UBE2QL1: variants seen among roughly 807,000 people sequenced by gnomAD.
The protein encoded by UBE2QL1 is ubiquitin-conjugating enzyme E2Q-like protein 1.
Under a neutral mutation model 12.6 loss-of-function variants are expected in UBE2QL1, and 5 were observed. The observed-to-expected ratio is 0.40, with a 90% CI of 0.21 to 0.83. The LOEUF is 0.83. Among genes scored for constraint, UBE2QL1 ranks in the 40% least tolerant of loss-of-function variants. The pLI is 0.37. For synonymous variants in UBE2QL1, 96 were observed against 94.5 expected, an observed-to-expected ratio of 1.02 and a Z score of -0.10; for missense variants, 99 against 222.6, an observed-to-expected ratio of 0.44 and a Z score of 3.53.
Position 6,496,026 on chromosome 5 carries a change from A to G in UBE2QL1, c.*4677A>G, listed in dbSNP as rs1301090060. On this transcript the variant is annotated 3_prime_UTR_variant, in exon 2 of 2. Transcript: ENST00000399816. ...GAGCAAAGTGTGCTGGCCAAACAGC[A>G]ACAATCAAAGCAGAGGGGAGCAAGA... Among the ~76,000 whole-genome samples the G allele has an allele frequency of 6.6e-6, 1 of 152,204 alleles. No homozygotes were observed. Among genetic ancestry groups the G allele is most frequent in the East Asian group, 1.9e-4 (1 of 5,198 alleles).
rs74670884 is a variant in UBE2QL1, at chr5:6,469,052, G to A, written c.354+19805G>A. Among the ~76,000 whole-genome samples, 898 of 152,288 alleles carry A rather than the reference G, an allele frequency of 5.9e-3. 5 individuals are homozygous for A. Among genetic ancestry groups the A allele is most frequent in the African/African-American group, 0.02 (832 of 41,550 alleles). ...GCCCGCCGCCTCTGCATCTCTTCAC[G>A]TTCTTCTTGTTTGGTCAGCCTCCTG... On this transcript the variant is annotated intron_variant, in intron 1 of 1. Coordinates refer to ENST00000399816, the MANE Select transcript of UBE2QL1 (RefSeq NM_001145161.3).
intron 1 of UBE2QL1, among the ~76,000 whole-genome samples, chr5:6,472,807 G>A (rs150938405): frequency 1.2e-3 from 188 of 152,096 alleles, no homozygotes; most frequent in South Asian, 7.9e-3. Context: ...CATTATGATC[G>A]AGGCTGTTTG....
Position 6,478,652 on chromosome 5 carries a change from G to T in UBE2QL1, c.355-12566G>T, listed in dbSNP as rs1281717600. Among the ~76,000 whole-genome samples the T allele has an allele frequency of 6.7e-6, 1 of 149,798 alleles. No individual in the cohort carries two copies. The highest frequency in any genetic ancestry group is 1.5e-5 in the Non-Finnish European group (1 of 67,690). On this transcript the variant is annotated intron_variant, in intron 1 of 1. Transcript: ENST00000399816. This position sits in a 1 kb window ranked among gnomAD's most constrained non-coding sequence, Gnocchi z 4.5. ...TTTTTTTTTGGACTTTAACAGCATC[G>T]CCGTACCTACTATCTGTGCTGAGAG...
In UBE2QL1 at chr5:6,492,154, C is replaced by T. The variant is rs1214368137; in HGVS notation, c.*805C>T. ...ATGGTCAGCTGCGAACAGTCTCGTCCGATGTTAGGAAATGGTCCTACGGCC... is the reference window on the plus strand; with the variant it reads ...ATGGTCAGCTGCGAACAGTCTCGTCTGATGTTAGGAAATGGTCCTACGGCC... On this transcript the variant is annotated 3_prime_UTR_variant, in exon 2 of 2. Transcript: ENST00000399816. The T allele has an allele frequency of 2.0e-5, 3 of 152,226 alleles. No individual in the cohort carries two copies. Among genetic ancestry groups the T allele is most frequent in the African/African-American group, 4.8e-5 (2 of 41,460 alleles). The allele number at this position is 152,226 out of a possible 1,614,324, so 9.4% of individuals were successfully genotyped here.
chr5:6,483,476 T>G (rs1056595178), intron 1 of UBE2QL1, among the ~76,000 whole-genome samples: 1 of 151,104 alleles, frequency 6.6e-6, no homozygotes, highest in African/African-American at 2.4e-5. Context: ...CCCACAGATG[T>G]GATGCACGGC....
rs1287201647 is a variant in UBE2QL1, at chr5:6,481,600, A to C, written c.355-9618A>C. Among the ~76,000 whole-genome samples, 2 of 152,176 alleles carry C rather than the reference A, an allele frequency of 1.3e-5. No individual in the cohort carries two copies. Among genetic ancestry groups the C allele is most frequent in the African/African-American group, 4.8e-5 (2 of 41,440 alleles). The stretch of plus-strand genomic sequence containing the variant: ...CCTCAAAGCCAGCCAACCCAAACAG[A>C]ACTCAGTATCTTATCCTAGAAACCT... On this transcript the variant is annotated intron_variant, in intron 1 of 1. Transcript: ENST00000399816. This position sits in a 1 kb window ranked among gnomAD's most constrained non-coding sequence, Gnocchi z 4.5.
chr5:6,458,743 A>G (rs1318632512), intron 1 of UBE2QL1, among the ~76,000 whole-genome samples: 2 of 152,246 alleles, frequency 1.3e-5, no homozygotes, highest in African/African-American at 4.8e-5. Context: ...GGAAAAATAA[A>G]AATACCATAG....
rs1169767958 is a variant in UBE2QL1, at chr5:6,479,057, C to T, written c.355-12161C>T. The stretch of plus-strand genomic sequence containing the variant: ...GTGCAGCATCAGGAGTCTGTTGGAT[C>T]CCCAGTGCCTCATCCTGAAATCAGG... On this transcript the variant is annotated intron_variant, in intron 1 of 1. Transcript: ENST00000399816. The surrounding 1 kb of genome is among the most constrained non-coding windows in gnomAD (Gnocchi z 4.2). Among the ~76,000 whole-genome samples, 2 of 152,020 alleles carry T rather than the reference C, an allele frequency of 1.3e-5. No homozygotes were observed. The highest frequency in any genetic ancestry group is 4.8e-5 in the African/African-American group (2 of 41,396).
rs1192500840 is a variant in UBE2QL1 at position 6,479,319 on chromosome 5, A to G, written c.355-11899A>G. Among the ~76,000 whole-genome samples the G allele has an allele frequency of 6.6e-6, 1 of 152,238 alleles. No individual in the cohort carries two copies. Among genetic ancestry groups the G allele is most frequent in the East Asian group, 1.9e-4 (1 of 5,164 alleles). ...TGAGGAAGACCAACTGTGCAGGGAA[A>G]AGAGCTGGCCGGATTGTGATCTAAG... On this transcript the variant is annotated intron_variant, in intron 1 of 1. Coordinates refer to ENST00000399816, the MANE Select transcript of UBE2QL1 (RefSeq NM_001145161.3). The surrounding 1 kb of genome is among the most constrained non-coding windows in gnomAD (Gnocchi z 4.2).
rs1734319642 is a variant in UBE2QL1, at chr5:6,479,690, C to T, written c.355-11528C>T. ...TCTCCTTTGTGCTGAGTAAGTGTTT[C>T]GGCCTTGAGAGTGGAGTGCAGCATC... is the stretch of plus-strand genomic sequence containing the variant. On this transcript the variant is annotated intron_variant, in intron 1 of 1. Transcript: ENST00000399816. The surrounding 1 kb of genome is among the most constrained non-coding windows in gnomAD (Gnocchi z 4.2). 6.6e-6 allele frequency among the ~76,000 whole-genome samples: 1 copy of T among 152,138 alleles called. No homozygotes were observed. Among genetic ancestry groups the T allele is most frequent in the African/African-American group, 2.4e-5 (1 of 41,438 alleles).
In UBE2QL1 at chr5:6,496,688, T is replaced by C. The variant is rs1235559444; in HGVS notation, c.*5339T>C. Among the ~76,000 whole-genome samples, 1 of 151,750 alleles carries C rather than the reference T, an allele frequency of 6.6e-6. No homozygotes were observed. Among genetic ancestry groups the C allele is most frequent in the Non-Finnish European group, 1.5e-5 (1 of 67,948 alleles). ...AAAAAAAAACAATGATTCTAGAAAATAAAACTTTAAAACCAATAAACGTCT... is the reference window on the plus strand; with the variant it reads ...AAAAAAAAACAATGATTCTAGAAAACAAAACTTTAAAACCAATAAACGTCT... On this transcript the variant is annotated 3_prime_UTR_variant, in exon 2 of 2. Coordinates refer to ENST00000399816, the MANE Select transcript of UBE2QL1 (RefSeq NM_001145161.3).
At chr5:6,460,347 A>G (rs927855413) in intron 1 of UBE2QL1, among the ~76,000 whole-genome samples, 8 of 152,360 alleles carry the variant, frequency 5.3e-5, no homozygotes, top group Non-Finnish European at 1.0e-4. Flanking sequence ...AAGGAGATTT[A>G]TTGAATTAAA....
At chr5:6,467,297 C>A (rs1739818017) in intron 1 of UBE2QL1, among the ~76,000 whole-genome samples, 1 of 152,040 alleles carries the variant, frequency 6.6e-6, no homozygotes, top group Non-Finnish European at 1.5e-5. Flanking sequence ...TCCCCACAGG[C>A]TGGGGGCTTC....
intron 1 of UBE2QL1, among the ~76,000 whole-genome samples, chr5:6,459,836 G>A (rs746990456): frequency 6.6e-6 from 1 of 152,198 alleles, no homozygotes; most frequent in African/African-American, 2.4e-5. Context: ...TAATACTGCT[G>A]TGGTTTCTTT....
chr5:6,480,785 T>C (rs750930435), intron 1 of UBE2QL1, among the ~76,000 whole-genome samples: 1 of 152,172 alleles, frequency 6.6e-6, no homozygotes, highest in Admixed American at 6.5e-5. Flanking sequence ...TTTAATTCCT[T>C]ATGAGTATCA....
chr5:6,489,153 C>T (rs986266102), intron 1 of UBE2QL1, among the ~76,000 whole-genome samples: 4 of 151,986 alleles, frequency 2.6e-5, no homozygotes, highest in Non-Finnish European at 4.4e-5. Context: ...AGGTGTGCAT[C>T]GTGGCACATG....
chr5:6,479,215 T>G lies in UBE2QL1; in HGVS notation c.355-12003T>G, dbSNP rs888254739. On this transcript the variant is annotated intron_variant, in intron 1 of 1. Coordinates refer to ENST00000399816, the MANE Select transcript of UBE2QL1 (RefSeq NM_001145161.3). The surrounding 1 kb of genome is among the most constrained non-coding windows in gnomAD (Gnocchi z 4.2). ...TGAGAATTAAGCCACCGAGAATGGG[T>G]GGGCTGAGATAGCGATGGGGCCCTG... 6.8e-6 allele frequency among the ~76,000 whole-genome samples: 1 copy of G among 147,668 alleles called. No individual in the cohort carries two copies. Among genetic ancestry groups the G allele is most frequent in the South Asian group, 2.2e-4 (1 of 4,582 alleles).
At chr5:6,463,499 G>T (rs1739717423) in intron 1 of UBE2QL1, among the ~76,000 whole-genome samples, 1 of 151,868 alleles carries the variant, frequency 6.6e-6, no homozygotes, top group African/African-American at 2.4e-5. Flanking sequence ...TTGATTTTTT[G>T]ATCACCACCC....
chr5:6,453,067 A>G (rs1032991444), intron 1 of UBE2QL1, among the ~76,000 whole-genome samples: 1 of 152,222 alleles, frequency 6.6e-6, no homozygotes. Context: ...GTTGGTAATA[A>G]TAACTGCAGC....
Sources: gnomAD v4.1 joint callset for allele counts (sites outside exome capture counted in the v4.1 genomes callset) on GRCh38, gnomAD v4.1.1 for gene constraint, Gnocchi (gnomAD v3.1) non-coding constraint, MANE v1.5 for transcripts, NCBI Gene and HGNC (gene_info 2026-07-23, HGNC 2026-07-21) for gene names.